The following TMEM38B variants were observed in gnomAD, a reference collection of about 807,000 sequenced individuals.
TMEM38B encodes trimeric intracellular cation channel type B.
A neutral mutation model predicts 28.7 loss-of-function variants in TMEM38B; 24 were observed. That is an observed-to-expected ratio of 0.84 (90% CI 0.61 to 1.18). The LOEUF is 1.18. Ranked by LOEUF, TMEM38B falls within the 50% of genes most tolerant of loss-of-function variation. The pLI, the probability that TMEM38B is intolerant of heterozygous loss-of-function variation, is 0.00. For missense variants in TMEM38B, 380 were observed against 350.9 expected (o/e 1.08, Z -0.66); for synonymous variants, 131 against 127.7 (o/e 1.03, Z -0.17).
At chr9:105,732,661 G>A (rs1176554592) in intron 4 of TMEM38B, among the ~76,000 whole-genome samples, 3 of 94,716 alleles carry the variant, frequency 3.2e-5, no homozygotes, top group Non-Finnish European at 5.3e-5. Flanking sequence ...CTGTTCCATT[G>A]GTCTGTATCT....
At chr9:105,757,484 T>C (rs1307842413) in intron 5 of TMEM38B, among the ~76,000 whole-genome samples, 1 of 152,222 alleles carries the variant, frequency 6.6e-6, no homozygotes, top group Non-Finnish European at 1.5e-5. Context: ...AGAATCTCCA[T>C]ACTGTTTTCC....
intron 1 of TMEM38B, among the ~76,000 whole-genome samples, chr9:105,697,574 A>AT (rs767697678): frequency 2.8e-3 from 418 of 150,958 alleles, no homozygotes; most frequent in Middle Eastern, 0.01. Flanking sequence ...AAATTGCTTA[A>AT]TTTTTTTTTG....
rs1284824908 is a variant in TMEM38B, at chr9:105,758,291, C to T, written c.660+10101C>T. Reference sequence around the variant, plus strand: ...TGAGGCTCACAGACGTTAAATCCTTCTAAAGACACATCTACAGCAAGTGGC... The same window carrying T: ...TGAGGCTCACAGACGTTAAATCCTTTTAAAGACACATCTACAGCAAGTGGC... On this transcript the variant is annotated intron_variant, in intron 5 of 5. Transcript: ENST00000374692. The T allele has an allele frequency of 5.7e-6, 4 of 705,198 alleles. No individual in the cohort carries two copies. The Admixed American group carries it at 8.4e-5, about 15-fold the overall frequency. The allele number at this position is 705,198 out of a possible 1,614,324, so 43.7% of individuals were successfully genotyped here. A position where few individuals can be genotyped will look rare whatever the true frequency, so the allele number is the denominator to read the frequency against.
intron 5 of TMEM38B, among the ~76,000 whole-genome samples, chr9:105,772,472 C>T (rs1164070243): frequency 1.3e-5 from 2 of 152,114 alleles, no homozygotes; most frequent in Non-Finnish European, 2.9e-5. Flanking sequence ...AAATGTGGAA[C>T]TCACTTTATT....
chr9:105,764,857 C>G (rs1227722592), intron 5 of TMEM38B, among the ~76,000 whole-genome samples: 1 of 151,866 alleles, frequency 6.6e-6, no homozygotes, highest in African/African-American at 2.4e-5. Flanking sequence ...GTAACCAAAA[C>G]AGCATGATAC....
chr9:105,749,761 A>G (rs1444664233), intron 5 of TMEM38B, among the ~76,000 whole-genome samples: 1 of 152,190 alleles, frequency 6.6e-6, no homozygotes, highest in Non-Finnish European at 1.5e-5. Context: ...TTATTTATCC[A>G]TTCATCAGTT....
intron 4 of TMEM38B, among the ~76,000 whole-genome samples, chr9:105,740,623 G>A (rs1564404506): frequency 6.6e-6 from 1 of 152,046 alleles, no homozygotes; most frequent in Non-Finnish European, 1.5e-5. Context: ...CTTTCATATT[G>A]CTTATTGCTG....
intron 4 of TMEM38B, among the ~76,000 whole-genome samples, chr9:105,731,883 C>T (rs1836762559): frequency 6.6e-6 from 1 of 152,178 alleles, no homozygotes; most frequent in East Asian, 1.9e-4. Flanking sequence ...AATCGCCACA[C>T]TGTCTTCCAC....
intron 1 of TMEM38B, among the ~76,000 whole-genome samples, chr9:105,700,253 A>T (rs1185017625): frequency 6.6e-6 from 1 of 152,136 alleles, no homozygotes; most frequent in Non-Finnish European, 1.5e-5. Context: ...CCCTAAAGAG[A>T]CTTATTGGTG....
intron 4 of TMEM38B, among the ~76,000 whole-genome samples, chr9:105,743,045 A>G (rs1309519977): frequency 6.6e-6 from 1 of 152,164 alleles, no homozygotes; most frequent in Non-Finnish European, 1.5e-5. Context: ...TTGCTTCAAC[A>G]GTGTTTGGAT....
At chr9:105,761,018 TA>T (rs2133639056) in intron 5 of TMEM38B, among the ~76,000 whole-genome samples, 1 of 152,356 alleles carries the variant, frequency 6.6e-6, no homozygotes, top group African/African-American at 2.4e-5. Flanking sequence ...TGATATGTGC[TA>T]AAATTTTATT....
chr9:105,763,721 A>C (rs956216695), intron 5 of TMEM38B, among the ~76,000 whole-genome samples: 2 of 152,182 alleles, frequency 1.3e-5, no homozygotes, highest in African/African-American at 4.8e-5. Flanking sequence ...ATCCTCCCTT[A>C]CTCATTTTAT....
chr9:105,774,498 A>G lies in TMEM38B; in HGVS notation c.*418A>G, dbSNP rs2133661233. On this transcript the variant is annotated 3_prime_UTR_variant, in exon 6 of 6. Coordinates refer to ENST00000374692, the MANE Select transcript of TMEM38B (RefSeq NM_018112.3). ...AATTAAATTTTTACTTGACATTATCATTAAAATTGCTAGGTATGGAGAACA... is the reference window on the plus strand; with the variant it reads ...AATTAAATTTTTACTTGACATTATCGTTAAAATTGCTAGGTATGGAGAACA... The G allele has an allele frequency of 6.5e-6, 1 of 153,182 alleles. No individual in the cohort carries two copies. Among genetic ancestry groups the G allele is most frequent in the Admixed American group, 6.5e-5 (1 of 15,310 alleles). 9.5% of individuals were successfully genotyped at this position (153,182 alleles called of 1,614,324 possible).
chr9:105,701,477 A>T (rs1299959341), intron 1 of TMEM38B: 2 of 152,352 alleles, frequency 1.3e-5, no homozygotes, highest in East Asian at 3.9e-4. Context: ...TTGCAAATTA[A>T]TAGGAAGAAA....
At chr9:105,710,416 G>T in intron 2 of TMEM38B, 1 of 1,072,226 alleles carries the variant, frequency 9.3e-7, no homozygotes, top group Non-Finnish European at 1.4e-6. Context: ...CATAACTTCG[G>T]CTTCTAGGAC....
intron 4 of TMEM38B, among the ~76,000 whole-genome samples, chr9:105,734,657 A>G (rs1330576588): frequency 3.3e-5 from 5 of 152,058 alleles, no homozygotes; most frequent in African/African-American, 1.2e-4. Flanking sequence ...TGTCTTCTTG[A>G]TGAATTGACT....
chr9:105,695,887 T>C (rs1229963605), intron 1 of TMEM38B, among the ~76,000 whole-genome samples: 1 of 152,256 alleles, frequency 6.6e-6, no homozygotes, highest in African/African-American at 2.4e-5. Context: ...TAGAACACAT[T>C]ATCTGCATAA....
At position 105,775,126 on chromosome 9, in the gene TMEM38B, G is replaced by T. The variant is rs930961729; in HGVS notation, c.*1046G>T. Reference sequence around the variant, plus strand: ...TGTTATATTTTCATCTACATGTAATGTGTTATTAATTTTATTAAATGAAAA... The same window carrying T: ...TGTTATATTTTCATCTACATGTAATTTGTTATTAATTTTATTAAATGAAAA... On this transcript the variant is annotated 3_prime_UTR_variant, in exon 6 of 6. Coordinates refer to ENST00000374692, the MANE Select transcript of TMEM38B (RefSeq NM_018112.3). 6.6e-6 allele frequency: 1 copy of T among 151,940 alleles called. No individual in the cohort carries two copies. Among genetic ancestry groups the T allele is most frequent in the Non-Finnish European group, 1.5e-5 (1 of 67,948 alleles). 9.4% of individuals were successfully genotyped at this position (151,940 alleles called of 1,614,324 possible).
At chr9:105,766,845 C>G (rs959461893) in intron 5 of TMEM38B, among the ~76,000 whole-genome samples, 6 of 151,766 alleles carry the variant, frequency 4.0e-5, no homozygotes, top group Admixed American at 3.9e-4. Flanking sequence ...CACCCATTAA[C>G]TAGTCATTTA....
Sources: allele counts gnomAD v4.1 joint callset (sites outside exome capture counted in the v4.1 genomes callset), GRCh38; gene constraint gnomAD v4.1.1; transcripts MANE v1.5; gene names NCBI Gene and HGNC (gene_info 2026-07-23, HGNC 2026-07-21).